HCN4: variants seen among roughly 807,000 people sequenced by gnomAD.
The protein encoded by HCN4 is hyperpolarization activated cyclic nucleotide gated potassium channel 4, also known as potassium/sodium hyperpolarization-activated cyclic nucleotide-gated channel 4.
HCN4 carries 29 observed loss-of-function variants against 76.9 expected under a neutral mutation model. That is an observed-to-expected ratio of 0.38 (90% CI 0.28 to 0.51). The LOEUF is 0.51. Ranked by LOEUF, HCN4 falls within the 20% of genes least tolerant of loss-of-function variation. The pLI, the probability that HCN4 is intolerant of heterozygous loss-of-function variation, is 0.90. For synonymous variants in HCN4, 772 were observed against 762.5 expected, an observed-to-expected ratio of 1.01 and a Z score of -0.21; for missense variants, 1,416 against 1,715.2, an observed-to-expected ratio of 0.83 and a Z score of 3.08.
intron 2 of HCN4, among the ~76,000 whole-genome samples, chr15:73,337,857 GAC>G (rs2042976182): frequency 6.6e-6 from 1 of 152,180 alleles, no homozygotes; most frequent in Non-Finnish European, 1.5e-5. Flanking sequence ...TCCTGCAGGG[GAC>G]ACAGACTTCC....
rs1332149860 is a variant in HCN4, at chr15:73,367,222, G to C, written c.785+264C>G. On this transcript the variant is annotated intron_variant, in intron 1 of 7. Coordinates refer to ENST00000261917, the MANE Select transcript of HCN4 (RefSeq NM_005477.3). The surrounding 1 kb of genome is among the most constrained non-coding windows in gnomAD (Gnocchi z 7.5). ...GAGCCCTATCCTGGCTGCCGGCAGG[G>C]GTAGGCCAGGCTCAGAACACCTTTT... 6.6e-6 allele frequency among the ~76,000 whole-genome samples: 1 copy of C among 152,134 alleles called. No individual in the cohort carries two copies. Among genetic ancestry groups the C allele is most frequent in the African/African-American group, 2.4e-5 (1 of 41,422 alleles).
intron 1 of HCN4, among the ~76,000 whole-genome samples, chr15:73,365,013 G>A (rs376970497): frequency 6.6e-6 from 1 of 152,328 alleles, no homozygotes; most frequent in African/African-American, 2.4e-5. Flanking sequence ...CGACTAGCCT[G>A]AGCAATGCTT....
chr15:73,322,116 T>G lies in HCN4; in HGVS notation c.*365A>C. The G allele has an allele frequency of 7.0e-6, 2 of 284,396 alleles. No homozygotes were observed. The highest frequency in any genetic ancestry group is 1.4e-5 in the Non-Finnish European group (2 of 148,050). The allele number at this position is 284,396 out of a possible 1,614,324, so 17.6% of individuals were successfully genotyped here. On this transcript the variant is annotated 3_prime_UTR_variant, in exon 8 of 8. Transcript: ENST00000261917. ...AGCTAACGGGCTGATGGCAGCTGTT[T>G]CTCTAAATGAACACAATGACACATC...
chr15:73,325,128 T>C lies in HCN4; in HGVS notation c.1805A>G (p.Asn602Ser). 6.2e-7 allele frequency: 1 copy of C among 1,614,158 alleles called. No individual in the cohort carries two copies. Among genetic ancestry groups the C allele is most frequent in the South Asian group, 1.1e-5 (1 of 91,074 alleles). Residue 602 changes from asparagine to serine, a missense_variant, in exon 6 of 8, where the codon AAC becomes AGC. This residue lies in a region of HCN4 where 241 missense variants were observed against 379.4 expected (regional missense o/e 0.64). Coordinates refer to ENST00000261917, the MANE Select transcript of HCN4 (RefSeq NM_005477.3). The surrounding 1 kb of genome is among the most constrained non-coding windows in gnomAD (Gnocchi z 7.4). Reference sequence around the variant, plus strand: ...CTTGGTCAGCATGGACGTCACGAAGTTGGGGTCCGCATTGGCAAACAGTGG... The same window carrying C: ...CTTGGTCAGCATGGACGTCACGAAGCTGGGGTCCGCATTGGCAAACAGTGG... ...SMPLFANADP[N>S]FVTSMLTKLR... is the part of the protein sequence containing the mutation.
At chr15:73,355,025 G>A (rs1258206648) in intron 1 of HCN4, among the ~76,000 whole-genome samples, 1 of 152,238 alleles carries the variant, frequency 6.6e-6, no homozygotes, top group African/African-American at 2.4e-5. Context: ...CTCAGGCTGG[G>A]GATGGCCAGA....
intron 1 of HCN4, among the ~76,000 whole-genome samples, chr15:73,345,149 G>A (rs1424540285): frequency 6.6e-6 from 1 of 152,226 alleles, no homozygotes; most frequent in Admixed American, 6.5e-5. Flanking sequence ...CCTGCCTGCA[G>A]AGTTCCAGGT....
chr15:73,360,960 G>A (rs775015767), intron 1 of HCN4, among the ~76,000 whole-genome samples: 5 of 152,216 alleles, frequency 3.3e-5, no homozygotes, highest in Non-Finnish European at 7.3e-5. Context: ...ATGTAAAGGA[G>A]GCAGCCTCTA....
intron 1 of HCN4, among the ~76,000 whole-genome samples, chr15:73,366,128 G>C (rs975064646): frequency 6.6e-6 from 1 of 152,134 alleles, no homozygotes; most frequent in African/African-American, 2.4e-5. Context: ...CTAGTCTTCT[G>C]GGAATGGGAA....
chr15:73,322,513 G>A lies in HCN4; in HGVS notation c.3580C>T (p.Pro1194Ser). 1 of 1,601,748 alleles carries A rather than the reference G, an allele frequency of 6.2e-7. No individual in the cohort carries two copies. The highest frequency in any genetic ancestry group is 8.5e-7 in the Non-Finnish European group (1 of 1,174,288). ...TTGGATGGCAGTTTGGAGCGCACTG[G>A]CTCAGGCCTGGCCCCAGGTTCCCTC... ...PQREPGARPE[P>S]VRSKLPSNL Residue 1194 changes from proline to serine, a missense_variant, in exon 8 of 8, where the codon CCA (proline) becomes TCA (serine). This residue lies in a region of HCN4 where 633 missense variants were observed against 579.8 expected (regional missense o/e 1.09). Coordinates refer to ENST00000261917, the MANE Select transcript of HCN4 (RefSeq NM_005477.3).
In HCN4 at chr15:73,346,055, G is replaced by A. The variant is rs191962634; in HGVS notation, c.786-2247C>T. Among the ~76,000 whole-genome samples, 76 of 152,270 alleles carry A rather than the reference G, an allele frequency of 5.0e-4. 1 individual carries two copies. The East Asian group carries it at 0.012, about 24-fold the overall frequency. ...ATAAGGCAAAAACACCCATTTCCTC[G>A]CACTCTGACTAATGGTTTCAATCTT... On this transcript the variant is annotated intron_variant, in intron 1 of 7. Transcript: ENST00000261917.
At chr15:73,340,811 T>A (rs549836648) in intron 2 of HCN4, among the ~76,000 whole-genome samples, 1 of 152,270 alleles carries the variant, frequency 6.6e-6, no homozygotes, top group East Asian at 1.9e-4. Flanking sequence ...CAGTCCCCCA[T>A]GGAGGGGCCC....
At position 73,357,149 on chromosome 15, in the gene HCN4, G is replaced by A. The variant is rs564255990; in HGVS notation, c.785+10337C>T. Reference sequence around the variant, plus strand: ...TTCAGCGGCTGCCAATTCAGGCTTTGGGATCTTGCTAACACCCAACCCCTC... The same window carrying A: ...TTCAGCGGCTGCCAATTCAGGCTTTAGGATCTTGCTAACACCCAACCCCTC... On this transcript the variant is annotated intron_variant, in intron 1 of 7. Transcript: ENST00000261917. Among the ~76,000 whole-genome samples the A allele has an allele frequency of 2.0e-5, 3 of 152,288 alleles. No individual in the cohort carries two copies. The South Asian group carries it at 6.2e-4, about 32-fold the overall frequency.
chr15:73,364,736 G>A (rs1044685153), intron 1 of HCN4, among the ~76,000 whole-genome samples: 7 of 152,154 alleles, frequency 4.6e-5, no homozygotes, highest in Non-Finnish European at 7.3e-5. Context: ...GGCAGGTAGA[G>A]TAATGAGAAG....
Position 73,361,169 on chromosome 15 carries a change from T to G in HCN4, c.785+6317A>C, listed in dbSNP as rs143489112. Among the ~76,000 whole-genome samples, 396 of 152,342 alleles carry G rather than the reference T, an allele frequency of 2.6e-3. 3 individuals carry two copies. The highest frequency in any genetic ancestry group is 4.9e-3 in the Admixed American group (75 of 15,308). ...ATGCTGTATTTGGTGCATGGGATGC[T>G]GCTTGGCAACCTCTGATCGAAGTAC... On this transcript the variant is annotated intron_variant, in intron 1 of 7. Coordinates refer to ENST00000261917, the MANE Select transcript of HCN4 (RefSeq NM_005477.3).
chr15:73,363,522 G>T (rs2043115827), intron 1 of HCN4, among the ~76,000 whole-genome samples: 1 of 152,230 alleles, frequency 6.6e-6, no homozygotes, highest in Non-Finnish European at 1.5e-5. Flanking sequence ...ATGGCCTAGA[G>T]AGGGGTTCAC....
In HCN4 at chr15:73,323,997, G is replaced by A. The variant is rs778651238; in HGVS notation, c.2144-48C>T. 8 of 1,611,186 alleles carry A rather than the reference G, an allele frequency of 5.0e-6. No homozygotes were observed. In the Admixed American group the frequency reaches 1.3e-4, roughly 27 times the overall value. ...GCACTCAGGGCAGAGCGGGGAAGGA[G>A]ATCAGGTGCAGACCTGGCTTAGGCA... On this transcript the variant is annotated intron_variant, in intron 7 of 7. Coordinates refer to ENST00000261917, the MANE Select transcript of HCN4 (RefSeq NM_005477.3).
In HCN4 at chr15:73,322,641, G is replaced by T; in HGVS notation, c.3452C>A (p.Thr1151Asn). The change falls in exon 8 of 8, where the codon ACT becomes AAT. Residue 1151 changes from threonine (T) to asparagine (N), a missense_variant. Thr to Asn is a moderately conservative substitution (Grantham distance 65). Around this residue, in one of 6 missense-constraint regions of HCN4, gnomAD observed 633 missense variants for 579.8 expected, o/e 1.09. Transcript: ENST00000261917. ...PYGAIPGQHV[T>N]LPRKTSSGSL... ...ACCTGAGGATGTCTTCCGAGGCAGA[G>T]TGACGTGCTGGCCGGGGATGGCACC... is the stretch of plus-strand genomic sequence containing the variant. 1 of 1,610,862 alleles carries T rather than the reference G, an allele frequency of 6.2e-7. No individual in the cohort carries two copies. Among genetic ancestry groups the T allele is most frequent in the East Asian group, 2.2e-5 (1 of 44,790 alleles).
At chr15:73,326,842 A>G (rs548923040) in intron 4 of HCN4, among the ~76,000 whole-genome samples, 98 of 149,024 alleles carry the variant, frequency 6.6e-4, no homozygotes, top group South Asian at 1.7e-3. Context: ...ACTGGAGTGC[A>G]GTGATATGAA....
intron 1 of HCN4, among the ~76,000 whole-genome samples, chr15:73,351,466 T>C (rs1404857494): frequency 6.6e-6 from 1 of 152,214 alleles, no homozygotes; most frequent in Non-Finnish European, 1.5e-5. Context: ...CACACTCTTG[T>C]GCTCCCAGAA....
Sources: gnomAD v4.1 joint callset for allele counts (sites outside exome capture counted in the v4.1 genomes callset) on GRCh38, gnomAD v4.1.1 for gene constraint, gnomAD v4.1.1 regional missense constraint, Gnocchi (gnomAD v3.1) non-coding constraint, MANE v1.5 for transcripts, NCBI Gene and HGNC (gene_info 2026-07-23, HGNC 2026-07-21) for gene names.